NKD2: variants seen among roughly 807,000 people sequenced by gnomAD.
NKD2 encodes NKD inhibitor of Wnt signaling pathway 2.
Under a neutral mutation model 34.8 loss-of-function variants are expected in NKD2, and 43 were observed. That is an observed-to-expected ratio of 1.24 (90% CI 0.97 to 1.60). The LOEUF is 1.60. NKD2 is among the 40% of genes most tolerant of loss of function. NKD2 has a pLI of 0.00. For synonymous variants in NKD2, 278 were observed against 265.1 expected (o/e 1.05, Z -0.47); for missense variants, 675 against 627.1 (o/e 1.08, Z -0.82).
intron 3 of NKD2, among the ~76,000 whole-genome samples, chr5:1,011,759 C>T (rs1489466302): frequency 6.6e-6 from 1 of 152,276 alleles, no homozygotes; most frequent in African/African-American, 2.4e-5. Flanking sequence ...GTGAGCAATG[C>T]TGGCTCCTGC....
intron 3 of NKD2, among the ~76,000 whole-genome samples, chr5:1,029,885 C>T (rs903044227): frequency 2.0e-5 from 3 of 152,148 alleles, no homozygotes; most frequent in African/African-American, 7.2e-5. Flanking sequence ...ACGCGCTGGC[C>T]CTCAGGCCCC....
rs776264286 is a variant in NKD2, at chr5:1,038,302, C to T, written c.1285C>T (p.Gln429Ter). The T allele has an allele frequency of 3.9e-6, 6 of 1,547,918 alleles. No individual in the cohort carries two copies. The Admixed American group carries it at 5.7e-5, about 15-fold the overall frequency. ...AGAGGGCTACGCGGTGCCAGTGATC[C>T]AGCGGCACGAGCACCACCACCACCA... ...AGEGYAVPVI[Q>*]RHEHHHHHEH... The change falls in exon 10 of 10, where the codon CAG becomes TAG. Residue 429 changes from glutamine (Q) to a stop codon, truncating the protein, a stop_gained. Transcript: ENST00000296849. LOFTEE classifies it high-confidence loss of function. This position sits in a 1 kb window ranked among gnomAD's most constrained non-coding sequence, Gnocchi z 4.5.
chr5:1,030,655 G>A (rs1365742591), intron 3 of NKD2, among the ~76,000 whole-genome samples: 1 of 152,226 alleles, frequency 6.6e-6, no homozygotes, highest in Non-Finnish European at 1.5e-5. Context: ...CTGCTGTGTG[G>A]ATGTACAAAG....
At chr5:1,013,641 C>A (rs2150726245) in intron 3 of NKD2, among the ~76,000 whole-genome samples, 1 of 152,336 alleles carries the variant, frequency 6.6e-6, no homozygotes, top group South Asian at 2.1e-4. Flanking sequence ...TGCGCCCAAG[C>A]TCTCCACCAA....
intron 3 of NKD2, among the ~76,000 whole-genome samples, chr5:1,022,251 C>T (rs1756228901): frequency 1.4e-5 from 2 of 147,844 alleles, no homozygotes; most frequent in Middle Eastern, 3.5e-3. Context: ...TCTTCCCACC[C>T]GCTGTGGGCG....
chr5:1,016,760 G>A lies in NKD2; in HGVS notation c.141+7200G>A, dbSNP rs534900405. On this transcript the variant is annotated intron_variant, in intron 3 of 9. Coordinates refer to ENST00000296849, the MANE Select transcript of NKD2 (RefSeq NM_033120.4). ...TTCCAGGACGAGGCCTCTCACATCC[G>A]CTAAGGGGGACGTGACAAGAGCTAC... is the stretch of plus-strand genomic sequence containing the variant. 9.2e-5 allele frequency among the ~76,000 whole-genome samples: 14 copies of A among 152,324 alleles called. No individual in the cohort carries two copies. The East Asian group carries it at 1.2e-3, about 13-fold the overall frequency.
At position 1,009,491 on chromosome 5, in the gene NKD2, C is replaced by T. The variant is rs991497414; in HGVS notation, c.72C>T (p.Phe24=). 4.7e-6 allele frequency: 7 copies of T among 1,499,620 alleles called. No individual in the cohort carries two copies. The African/African-American group carries it at 5.8e-5, about 12-fold the overall frequency. The allele number at this position is 1,499,620 out of a possible 1,614,324, so 92.9% of individuals were successfully genotyped here. A position where few individuals can be genotyped will look rare whatever the true frequency, so the allele number is the denominator to read the frequency against. ...GCCCCCGGACCGCAGGGGACAGCTT[C>T]GTGGCGTCCGCGTACGCGAGCGGCC... is the stretch of plus-strand genomic sequence containing the variant. ...KRRESPEGDS[F]VASAYASGRK... The change falls in exon 3 of 10, where the codon TTC becomes TTT. Residue 24 remains phenylalanine, a synonymous_variant. Transcript: ENST00000296849. This position sits in a 1 kb window ranked among gnomAD's most constrained non-coding sequence, Gnocchi z 6.9.
intron 8 of NKD2, chr5:1,035,736 GCTGTGGCTCA>G (rs942353478): frequency 2.1e-5 from 11 of 521,328 alleles, no homozygotes; most frequent in South Asian, 5.5e-5. Flanking sequence ...GTCTGGACTT[GCTGTGGCTCA>G]CTGTGGCTCC....
chr5:1,015,862 A>G (rs1755929828), intron 3 of NKD2, among the ~76,000 whole-genome samples: 1 of 152,050 alleles, frequency 6.6e-6, no homozygotes, highest in South Asian at 2.1e-4. Context: ...CTCCTGTTGG[A>G]CTTGCCTTCC....
chr5:1,024,628 C>A (rs1286872686), intron 3 of NKD2, among the ~76,000 whole-genome samples: 2 of 83,988 alleles, frequency 2.4e-5, no homozygotes, highest in African/African-American at 1.0e-4. Flanking sequence ...CCTGCTCTTC[C>A]CACCCGCTGT....
Position 1,014,174 on chromosome 5 carries a change from C to T in NKD2, c.141+4614C>T, listed in dbSNP as rs555791706. Among the ~76,000 whole-genome samples the T allele has an allele frequency of 4.6e-5, 7 of 152,356 alleles. No homozygotes were observed. The South Asian group carries it at 1.2e-3, about 27-fold the overall frequency. On this transcript the variant is annotated intron_variant, in intron 3 of 9. Transcript: ENST00000296849. Reference sequence around the variant, plus strand: ...ATGGGAAGCCTGGTGCTGCTCCGTCCTCCTTCCTTCCTACTTGTGGCTGAG... The same window carrying T: ...ATGGGAAGCCTGGTGCTGCTCCGTCTTCCTTCCTTCCTACTTGTGGCTGAG...
chr5:1,025,798 C>G (rs1756365992), intron 3 of NKD2, among the ~76,000 whole-genome samples: 1 of 107,744 alleles, frequency 9.3e-6, no homozygotes, highest in Non-Finnish European at 2.0e-5. Flanking sequence ...GGTGCCCCAG[C>G]CCATTGTCCC....
Position 1,013,005 on chromosome 5 carries a change from G to A in NKD2, c.141+3445G>A, listed in dbSNP as rs188357735. The stretch of plus-strand genomic sequence containing the variant: ...AGATACACATTTGCAGGAGAGACTC[G>A]GGCCAGTGCACGTGCGCCCAGAGAC... On this transcript the variant is annotated intron_variant, in intron 3 of 9. Coordinates refer to ENST00000296849, the MANE Select transcript of NKD2 (RefSeq NM_033120.4). Among the ~76,000 whole-genome samples, 13 of 152,338 alleles carry A rather than the reference G, an allele frequency of 8.5e-5. 1 individual carries two copies. In the South Asian group the frequency reaches 1.9e-3, roughly 22 times the overall value.
intron 7 of NKD2, 74 bp from the exon 8 acceptor site, chr5:1,035,315 T>C (rs116875834): frequency 0.012 from 13,676 of 1,148,218 alleles, 189 homozygotes; most frequent in East Asian, 0.047. Flanking sequence ...AGTGAGTTAA[T>C]GAATGAGTGA....
In NKD2 at chr5:1,013,523, C is replaced by T. The variant is rs368331164; in HGVS notation, c.141+3963C>T. 9.8e-5 allele frequency among the ~76,000 whole-genome samples: 15 copies of T among 152,364 alleles called. No homozygotes were observed. The East Asian group carries it at 2.1e-3, about 22-fold the overall frequency. On this transcript the variant is annotated intron_variant, in intron 3 of 9. Transcript: ENST00000296849. ...CTTGTGGGAGGCGTCGAGGTCACCTCTGGGCATGACACCTGATGCCCAGCA... is the reference window on the plus strand; with the variant it reads ...CTTGTGGGAGGCGTCGAGGTCACCTTTGGGCATGACACCTGATGCCCAGCA...
intron 7 of NKD2, 134 bp downstream of exon 7, chr5:1,035,037 T>TGAGTAAGTGGGTGAGTGAGTGAGA (rs1050852559): frequency 2.1e-5 from 17 of 803,996 alleles, no homozygotes; most frequent in Admixed American, 5.6e-5. Flanking sequence ...AGTGAGTGAA[T>TGAGTAAGTGGGTGAGTGAGTGAGA]GAGTAAGTGG....
rs375528025 is a variant in NKD2 at position 1,028,987 on chromosome 5, T to C, written c.142-3165T>C. On this transcript the variant is annotated intron_variant, in intron 3 of 9. Transcript: ENST00000296849. ...GAAGGTCTTCCCAGTGGGGAGGGGC[T>C]GCACATCTGGCCAGCGGCCCGGGGG... is the stretch of plus-strand genomic sequence containing the variant. Among the ~76,000 whole-genome samples the C allele has an allele frequency of 7.9e-5, 12 of 152,348 alleles. No homozygotes were observed. The East Asian group carries it at 1.9e-3, about 24-fold the overall frequency.
intron 3 of NKD2, among the ~76,000 whole-genome samples, chr5:1,028,788 G>A (rs1364449099): frequency 6.6e-6 from 1 of 152,016 alleles, no homozygotes; most frequent in Non-Finnish European, 1.5e-5. Flanking sequence ...GATTGAGGGG[G>A]AGGGTTGGGC....
chr5:1,038,742 C>T lies in NKD2; in HGVS notation c.*369C>T. 2.0e-6 allele frequency: 1 copy of T among 509,290 alleles called. No individual in the cohort carries two copies. The highest frequency in any genetic ancestry group is 3.6e-6 in the Non-Finnish European group (1 of 278,026). 31.5% of individuals were successfully genotyped at this position (509,290 alleles called of 1,614,324 possible). On this transcript the variant is annotated 3_prime_UTR_variant, in exon 10 of 10. Coordinates refer to ENST00000296849, the MANE Select transcript of NKD2 (RefSeq NM_033120.4). This position sits in a 1 kb window ranked among gnomAD's most constrained non-coding sequence, Gnocchi z 4.5. ...CTTGGGGTGGGTGTTCCTCCCGGGGCTTCAAGGGGTGACTGCTGTAGGCTG... is the reference window on the plus strand; with the variant it reads ...CTTGGGGTGGGTGTTCCTCCCGGGGTTTCAAGGGGTGACTGCTGTAGGCTG...
Sources: allele counts gnomAD v4.1 joint callset (sites outside exome capture counted in the v4.1 genomes callset), GRCh38; gene constraint gnomAD v4.1.1; non-coding constraint Gnocchi (gnomAD v3.1); transcripts MANE v1.5; gene names NCBI Gene and HGNC (gene_info 2026-07-23, HGNC 2026-07-21).